The following DDX60L variants were observed in gnomAD, a reference collection of about 807,000 sequenced individuals.
DDX60L encodes probable ATP-dependent RNA helicase DDX60-like.
DDX60L carries 191 observed loss-of-function variants against 211.6 expected under a neutral mutation model. The ratio of observed to expected loss-of-function variants is 0.90; its 90% CI spans 0.80 to 1.02. DDX60L has a LOEUF of 1.02. DDX60L is among the 50% of genes least tolerant of loss of function. The pLI is 0.00. For missense variants in DDX60L, 2,007 were observed against 1,984.1 expected (o/e 1.01, Z -0.22); for synonymous variants, 706 against 694.1 (o/e 1.02, Z -0.27).
Position 168,457,960 on chromosome 4 carries a change from C to T in DDX60L, c.655G>A (p.Glu219Lys). Residue 219 changes from glutamate (E) to lysine (K), a missense_variant, in exon 6 of 38, where the codon GAA becomes AAA. Transcript: ENST00000682922. ...GCTAATACTAAAACCCTTATTTCTT[C>T]CAAGTGTTGTATGAGGCTTTTATAT... is the stretch of plus-strand genomic sequence containing the variant. ...SAYKSLIQHL[E>K]EIRVLVLATH... The T allele has an allele frequency of 1.3e-6, 2 of 1,570,934 alleles. No individual in the cohort carries two copies. The highest frequency in any genetic ancestry group is 1.7e-6 in the Non-Finnish European group (2 of 1,155,616).
intron 14 of DDX60L, among the ~76,000 whole-genome samples, chr4:168,426,772 T>C (rs919451330): frequency 9.2e-5 from 14 of 152,216 alleles, no homozygotes; most frequent in Non-Finnish European, 1.8e-4. Flanking sequence ...GAGCCTCACC[T>C]TGCTTTGCTG....
In DDX60L at chr4:168,457,944, A is replaced by G; in HGVS notation, c.671T>C (p.Leu224Ser). ...LIQHLEEIRV[L>S]VLATHFEHLK... ...ATGTTCAAAATGAGTTGCTAATACT[A>G]AAACCCTTATTTCTTCCAAGTGTTG... Residue 224 changes from leucine to serine, a missense_variant, in exon 6 of 38, where the codon TTA (leucine) becomes TCA (serine). Coordinates refer to ENST00000682922, the MANE Select transcript of DDX60L (RefSeq NM_001012967.3). 6.4e-7 allele frequency: 1 copy of G among 1,573,294 alleles called. No individual in the cohort carries two copies. The highest frequency in any genetic ancestry group is 8.6e-7 in the Non-Finnish European group (1 of 1,157,486).
chr4:168,461,527 T>G (rs1051312142), intron 5 of DDX60L, among the ~76,000 whole-genome samples, 172 bp downstream of exon 5: 1 of 152,198 alleles, frequency 6.6e-6, no homozygotes, highest in African/African-American at 2.4e-5. Context: ...GGAATTGGCA[T>G]AAGTGCTTAA....
intron 29 of DDX60L, among the ~76,000 whole-genome samples, chr4:168,388,736 G>A (rs938961256): frequency 6.6e-6 from 1 of 152,160 alleles, no homozygotes; most frequent in South Asian, 2.1e-4. Context: ...GCACTGTGAA[G>A]ATCTAGCACA....
At chr4:168,450,281 G>T (rs1185480320) in intron 8 of DDX60L, among the ~76,000 whole-genome samples, 1 of 152,018 alleles carries the variant, frequency 6.6e-6, no homozygotes, top group Non-Finnish European at 1.5e-5. Flanking sequence ...ATCTGATCTT[G>T]TGGTCCCCAT....
At chr4:168,411,816 G>A (rs138691882) in intron 22 of DDX60L, among the ~76,000 whole-genome samples, 17 of 152,108 alleles carry the variant, frequency 1.1e-4, no homozygotes, top group Admixed American at 3.3e-4. Context: ...AGTGCAGCTC[G>A]CAGCTCTGAG....
intron 4 of DDX60L, among the ~76,000 whole-genome samples, chr4:168,467,108 G>GA (rs1758089741): frequency 3.3e-5 from 5 of 152,178 alleles, no homozygotes; most frequent in Admixed American, 3.3e-4. Flanking sequence ...GAAAATGAAT[G>GA]AAAAAATAAA....
Position 168,457,877 on chromosome 4 carries a change from TAAA to T in DDX60L, c.723+12_723+14del. The stretch of plus-strand genomic sequence containing the variant: ...TCTATCAAACTTTTATTTAAAGAAA[TAAA>T]AATTTTAATACCTCTTCCATCATAT... On this transcript the variant is annotated intron_variant, in intron 6 of 37. Coordinates refer to ENST00000682922, the MANE Select transcript of DDX60L (RefSeq NM_001012967.3). 2.1e-6 allele frequency: 3 copies of T among 1,439,736 alleles called. No individual in the cohort carries two copies. The highest frequency in any genetic ancestry group is 2.8e-6 in the Non-Finnish European group (3 of 1,070,570). 89.2% of individuals were successfully genotyped at this position (1,439,736 alleles called of 1,614,324 possible).
At chr4:168,440,897 C>G (rs1753730547) in intron 10 of DDX60L, among the ~76,000 whole-genome samples, 1 of 152,166 alleles carries the variant, frequency 6.6e-6, no homozygotes. Context: ...ATACAACAGG[C>G]AGGAATGTCT....
intron 4 of DDX60L, among the ~76,000 whole-genome samples, chr4:168,465,325 C>T (rs1418483534): frequency 1.3e-5 from 2 of 152,042 alleles, no homozygotes; most frequent in Non-Finnish European, 2.9e-5. Context: ...CACTTGCCCA[C>T]ATTTTAATTG....
chr4:168,416,115 A>G (rs955103050), intron 20 of DDX60L, among the ~76,000 whole-genome samples: 2 of 152,216 alleles, frequency 1.3e-5, no homozygotes, highest in Non-Finnish European at 2.9e-5. Context: ...TGTTACTGCC[A>G]TCGTCGCTGT....
chr4:168,425,933 TA>T, intron 14 of DDX60L, among the ~76,000 whole-genome samples: 1 of 152,316 alleles, frequency 6.6e-6, no homozygotes, highest in Admixed American at 6.5e-5. Context: ...TCATTTCTGC[TA>T]CATATTTCAC....
intron 36 of DDX60L, among the ~76,000 whole-genome samples, chr4:168,363,251 C>G (rs1466912454): frequency 1.3e-5 from 2 of 152,124 alleles, no homozygotes; most frequent in African/African-American, 2.4e-5. Flanking sequence ...TCTTCCCAGA[C>G]AAGCAAAAGC....
chr4:168,410,068 A>T (rs1025376773), intron 22 of DDX60L, among the ~76,000 whole-genome samples: 2 of 152,210 alleles, frequency 1.3e-5, no homozygotes, highest in Non-Finnish European at 2.9e-5. Flanking sequence ...AGCTAGCTAT[A>T]AGGTAATCCA....
chr4:168,406,008 T>C lies in DDX60L; in HGVS notation c.3155A>G (p.Tyr1052Cys). ...CAATTCTGCCTTTAAGTTTTCTTCA[T>C]ATTTTCTAGCATCCAACTTCTTAAT... ...IVIKKLDARK[Y>C]EENLKAELTN... The change falls in exon 24 of 38, where the codon TAT becomes TGT. Residue 1052 changes from tyrosine (Y) to cysteine (C), a missense_variant. By Grantham distance (194) the Tyr-to-Cys change is radical. Coordinates refer to ENST00000682922, the MANE Select transcript of DDX60L (RefSeq NM_001012967.3). The C allele has an allele frequency of 1.2e-6, 2 of 1,603,124 alleles. No homozygotes were observed. Among genetic ancestry groups the C allele is most frequent in the Non-Finnish European group, 1.7e-6 (2 of 1,175,554 alleles).
intron 22 of DDX60L, among the ~76,000 whole-genome samples, chr4:168,414,591 G>A (rs1352623959): frequency 6.6e-6 from 1 of 152,016 alleles, no homozygotes; most frequent in African/African-American, 2.4e-5. Context: ...CAATAGCCAA[G>A]ATTTGGAAGA....
chr4:168,409,597 C>T (rs552425277), intron 22 of DDX60L, among the ~76,000 whole-genome samples: 39 of 152,274 alleles, frequency 2.6e-4, no homozygotes, highest in Non-Finnish European at 4.3e-4. Flanking sequence ...GAATGAGTCA[C>T]TGCAAAGCCA....
At chr4:168,418,819 T>C (rs1750001484) in intron 19 of DDX60L, among the ~76,000 whole-genome samples, 1 of 152,230 alleles carries the variant, frequency 6.6e-6, no homozygotes, top group Admixed American at 6.5e-5. Flanking sequence ...TCCTTAGCCC[T>C]CTAGCTTCTA....
chr4:168,379,266 A>G (rs1486190423), intron 32 of DDX60L, 97 bp downstream of exon 32: 13 of 1,129,558 alleles, frequency 1.2e-5, no homozygotes, highest in African/African-American at 1.6e-5. Flanking sequence ...GCTTTAATAA[A>G]TGAGAAGGAG....
Sources: gnomAD v4.1 joint callset for allele counts (sites outside exome capture counted in the v4.1 genomes callset) on GRCh38, gnomAD v4.1.1 for gene constraint, MANE v1.5 for transcripts, NCBI Gene and HGNC (gene_info 2026-07-23, HGNC 2026-07-21) for gene names.